Variants in ELP4 observed in about 807,000 individuals in gnomAD.
ELP4 encodes elongator acetyltransferase complex subunit 4.
Under a neutral mutation model 48.9 loss-of-function variants are expected in ELP4, and 51 were observed. That is an observed-to-expected ratio of 1.04 (90% CI 0.83 to 1.32). The LOEUF (loss-of-function observed/expected upper bound fraction) is 1.32. ELP4 is among the 40% of genes most tolerant of loss of function. The pLI, the probability that ELP4 is intolerant of heterozygous loss-of-function variation, is 0.00. For synonymous variants in ELP4, 210 were observed against 189.2 expected (o/e 1.11, Z -0.90); for missense variants, 519 against 514.6 (o/e 1.01, Z -0.08).
intron 1 of ELP4, among the ~76,000 whole-genome samples, chr11:31,514,249 G>C (rs1450512306): frequency 6.6e-6 from 1 of 152,150 alleles, no homozygotes; most frequent in East Asian, 1.9e-4. Context: ...GCTTGAGCCT[G>C]GGAGTTTGAG....
chr11:31,540,901 A>G (rs1592096892), intron 3 of ELP4, among the ~76,000 whole-genome samples: 1 of 152,194 alleles, frequency 6.6e-6, no homozygotes. Context: ...CTATGATAAA[A>G]TATGTCATTG....
intron 1 of ELP4, among the ~76,000 whole-genome samples, chr11:31,517,151 T>A (rs1956128902): frequency 6.6e-6 from 1 of 152,148 alleles, no homozygotes; most frequent in Non-Finnish European, 1.5e-5. Context: ...ATAGTTATGC[T>A]TTTTTGCAAG....
At chr11:31,663,392 T>C (rs1482297524) in intron 9 of ELP4, 1 of 152,036 alleles carries the variant, frequency 6.6e-6, no homozygotes, top group Non-Finnish European at 1.5e-5. Context: ...CTTCAGATTA[T>C]TAAAAGTTAT....
chr11:31,738,351 G>A (rs191413537), intron 9 of ELP4, among the ~76,000 whole-genome samples: 208 of 151,930 alleles, frequency 1.4e-3, no homozygotes, highest in African/African-American at 4.9e-3. Context: ...GTTCAAGGCT[G>A]CAGTGAGCTG....
intron 9 of ELP4, among the ~76,000 whole-genome samples, chr11:31,743,240 C>G (rs1421830077): frequency 2.0e-5 from 3 of 152,174 alleles, no homozygotes; most frequent in Admixed American, 6.5e-5. Context: ...CACCCAGATT[C>G]ATAAAGCAAG....
chr11:31,549,842 A>T (rs928205170), intron 3 of ELP4, among the ~76,000 whole-genome samples: 1 of 152,238 alleles, frequency 6.6e-6, no homozygotes, highest in African/African-American at 2.4e-5. Context: ...TTGTAGGGAC[A>T]TGGATGAAAT....
At chr11:31,692,699 C>T (rs890385854) in intron 9 of ELP4, among the ~76,000 whole-genome samples, 3 of 152,120 alleles carry the variant, frequency 2.0e-5, no homozygotes, top group East Asian at 1.9e-4. Flanking sequence ...TCCAATTCCT[C>T]GAAGGCTCAT....
intron 9 of ELP4, among the ~76,000 whole-genome samples, chr11:31,738,961 C>T (rs554308772): frequency 6.6e-6 from 1 of 152,306 alleles, no homozygotes; most frequent in South Asian, 2.1e-4. Flanking sequence ...TATAAAGTTT[C>T]AGTCATGCAA....
chr11:31,739,408 T>C (rs1176240261), intron 9 of ELP4, among the ~76,000 whole-genome samples: 1 of 152,176 alleles, frequency 6.6e-6, no homozygotes, highest in Non-Finnish European at 1.5e-5. Flanking sequence ...ATTTGTTCTG[T>C]CTTAGGGCTA....
At chr11:31,709,224 G>C (rs1188523072) in intron 9 of ELP4, among the ~76,000 whole-genome samples, 1 of 152,086 alleles carries the variant, frequency 6.6e-6, no homozygotes, top group Non-Finnish European at 1.5e-5. Context: ...ATATGCATAC[G>C]ACCTGGTGTC....
At chr11:31,763,500 A>G in intron 9 of ELP4, 2 of 1,611,258 alleles carry the variant, frequency 1.2e-6, no homozygotes, top group Middle Eastern at 3.3e-4. Flanking sequence ...CTGCATGGGG[A>G]GAAGGTTCTT....
intron 9 of ELP4, among the ~76,000 whole-genome samples, chr11:31,656,312 T>G (rs529397336): frequency 6.6e-6 from 1 of 152,142 alleles, no homozygotes; most frequent in South Asian, 2.1e-4. Flanking sequence ...TCCTGTTTGC[T>G]TCTGTGTTCA....
chr11:31,731,976 G>A (rs1947199721), intron 9 of ELP4, among the ~76,000 whole-genome samples: 1 of 151,990 alleles, frequency 6.6e-6, no homozygotes, highest in Non-Finnish European at 1.5e-5. Context: ...CTTCAAAAAT[G>A]GAGCAATAAA....
At chr11:31,526,656 CT>C (rs1378170129) in intron 2 of ELP4, among the ~76,000 whole-genome samples, 1 of 151,974 alleles carries the variant, frequency 6.6e-6, no homozygotes, top group Non-Finnish European at 1.5e-5. Flanking sequence ...ATCCTCAAAA[CT>C]TACCTCTATT....
At chr11:31,689,504 G>A (rs1414870660) in intron 9 of ELP4, 3 of 151,904 alleles carry the variant, frequency 2.0e-5, no homozygotes, top group Non-Finnish European at 4.4e-5. Flanking sequence ...TACACACTGG[G>A]CAGATGTAGT....
At chr11:31,691,698 T>C (rs1946285607) in intron 9 of ELP4, among the ~76,000 whole-genome samples, 1 of 152,160 alleles carries the variant, frequency 6.6e-6, no homozygotes, top group African/African-American at 2.4e-5. Context: ...GGACATAGTT[T>C]ATGACTGAAG....
chr11:31,563,355 A>C (rs550386150), intron 3 of ELP4, among the ~76,000 whole-genome samples: 1 of 152,156 alleles, frequency 6.6e-6, no homozygotes, highest in Non-Finnish European at 1.5e-5. Context: ...GCCCTAGAGA[A>C]CATAAAAAGT....
intron 9 of ELP4, among the ~76,000 whole-genome samples, chr11:31,711,881 C>T (rs990762940): frequency 6.6e-6 from 1 of 152,094 alleles, no homozygotes; most frequent in African/African-American, 2.4e-5. Context: ...AATGATGCAG[C>T]TGATGAAAAT....
chr11:31,541,812 T>A (rs757974742), intron 3 of ELP4, among the ~76,000 whole-genome samples: 1 of 152,194 alleles, frequency 6.6e-6, no homozygotes, highest in African/African-American at 2.4e-5. Flanking sequence ...GTGAAGGAGT[T>A]TGAAGCTATA....
Sources: allele counts gnomAD v4.1 joint callset (sites outside exome capture counted in the v4.1 genomes callset), GRCh38; gene constraint gnomAD v4.1.1; transcripts MANE v1.5; gene names NCBI Gene and HGNC (gene_info 2026-07-23, HGNC 2026-07-21).